TENM3: variants seen among roughly 807,000 people sequenced by gnomAD.
TENM3 encodes teneurin transmembrane protein 3.
In TENM3, 63 loss-of-function variants were observed where a neutral mutation model predicts 255.1. That is an observed-to-expected ratio of 0.25 (90% CI 0.20 to 0.30). The LOEUF (loss-of-function observed/expected upper bound fraction) is 0.30, where lower values mean the gene tolerates loss of function less well. Among genes scored for constraint, TENM3 ranks in the 10% least tolerant of loss-of-function variants. TENM3 has a pLI of 1.00. For synonymous variants in TENM3, 1,306 were observed against 1,322.3 expected, an observed-to-expected ratio of 0.99 and a Z score of 0.27; for missense variants, 2,929 against 3,461.1, an observed-to-expected ratio of 0.85 and a Z score of 3.86.
At chr4:182,466,455 A>G (rs1279152521) in intron 3 of TENM3, among the ~76,000 whole-genome samples, 1 of 152,134 alleles carries the variant, frequency 6.6e-6, no homozygotes, top group African/African-American at 2.4e-5. Flanking sequence ...TCAGCCTCCC[A>G]GGTAGCTGGG....
intron 19 of TENM3, among the ~76,000 whole-genome samples, chr4:182,744,699 G>A (rs1187070192): frequency 2.0e-5 from 3 of 152,142 alleles, no homozygotes; most frequent in Non-Finnish European, 2.9e-5. Context: ...TTAGCTTCCC[G>A]TAAATTCCTC....
intron 3 of TENM3, among the ~76,000 whole-genome samples, chr4:182,571,213 G>A (rs964006632): frequency 6.6e-6 from 1 of 152,116 alleles, no homozygotes; most frequent in Non-Finnish European, 1.5e-5. Flanking sequence ...CCCTGTTCAT[G>A]TTGTAAAACT....
intron 3 of TENM3, among the ~76,000 whole-genome samples, chr4:182,474,450 CTT>C (rs764477922): frequency 6.6e-6 from 1 of 152,076 alleles, no homozygotes; most frequent in Admixed American, 6.6e-5. Context: ...GAAACTGTCT[CTT>C]ATATTTTAGG....
chr4:182,346,068 T>TATACATACATACATAC (rs60234584), intron 2 of TENM3, among the ~76,000 whole-genome samples: 2 of 149,364 alleles, frequency 1.3e-5, no homozygotes, highest in South Asian at 2.2e-4. Context: ...CACACACATA[T>TATACATACATACATAC]ATACATACAT....
At chr4:182,302,854 C>T (rs1017506076) in intron 1 of TENM3, among the ~76,000 whole-genome samples, 5 of 152,132 alleles carry the variant, frequency 3.3e-5, no homozygotes, top group Non-Finnish European at 7.3e-5. Flanking sequence ...GGTATGAAGT[C>T]CTGAGATATC....
At chr4:181,565,598 T>A in the TENM3 span, among the ~76,000 whole-genome samples, 1 of 152,142 alleles carries the variant, frequency 6.6e-6, no homozygotes, top group Non-Finnish European at 1.5e-5. Flanking sequence ...AGGGTGAGTA[T>A]CAGGGTGGCT....
At chr4:182,739,452 C>T (rs1761433463) in intron 18 of TENM3, among the ~76,000 whole-genome samples, 1 of 152,136 alleles carries the variant, frequency 6.6e-6, no homozygotes, top group African/African-American at 2.4e-5. Flanking sequence ...CTGTCCTACA[C>T]CATATCATAC....
chr4:182,615,067 G>T (rs60239481), intron 4 of TENM3, among the ~76,000 whole-genome samples: 4,066 of 114,548 alleles, frequency 0.035, 89 homozygotes, highest in South Asian at 0.066. Flanking sequence ...ATATATATAT[G>T]TATTTTTTTT....
At chr4:181,719,164 C>T in the TENM3 span, among the ~76,000 whole-genome samples, 2 of 151,714 alleles carry the variant, frequency 1.3e-5, no homozygotes, top group African/African-American at 4.8e-5. Context: ...CGAGATCGCG[C>T]CACTGCAGTC....
chr4:182,754,371 CT>C lies in TENM3; in HGVS notation c.4018-7del. On this transcript the variant is annotated splice_polypyrimidine_tract_variant and intron_variant, in intron 21 of 27. Coordinates refer to ENST00000511685, the MANE Select transcript of TENM3 (RefSeq NM_001080477.4). The surrounding 1 kb of genome is among the most constrained non-coding windows in gnomAD (Gnocchi z 5.1). ...CAGTAACTTACTAACCAGGCCATTT[CT>C]TTTTTTATTAAGGTACGTCTGGAAT... 1.9e-6 allele frequency: 3 copies of C among 1,567,842 alleles called. No individual in the cohort carries two copies. Among genetic ancestry groups the C allele is most frequent in the Non-Finnish European group, 1.7e-6 (2 of 1,154,466 alleles).
chr4:181,927,554 C>G, the TENM3 span, among the ~76,000 whole-genome samples: 1 of 152,220 alleles, frequency 6.6e-6, no homozygotes, highest in Non-Finnish European at 1.5e-5. Flanking sequence ...CCCCATCTCC[C>G]TGGGACAGAG....
intron 19 of TENM3, among the ~76,000 whole-genome samples, chr4:182,745,686 G>A (rs557418630): frequency 5.3e-5 from 8 of 152,110 alleles, no homozygotes; most frequent in Admixed American, 1.3e-4. Context: ...TTCTTTCCAC[G>A]GCACCACACA....
At chr4:182,060,874 C>T in the TENM3 span, among the ~76,000 whole-genome samples, 3 of 152,130 alleles carry the variant, frequency 2.0e-5, no homozygotes, top group Admixed American at 1.3e-4. Context: ...AGCATATGTT[C>T]TCTAGGCAGG....
chr4:181,485,884 C>T, the TENM3 span, among the ~76,000 whole-genome samples: 1 of 151,920 alleles, frequency 6.6e-6, no homozygotes, highest in Non-Finnish European at 1.5e-5. Flanking sequence ...CTTACTAAAA[C>T]AAAAATGTTA....
At chr4:182,184,135 T>C (rs566285093) in intron 1 of TENM3, among the ~76,000 whole-genome samples, 10 of 152,302 alleles carry the variant, frequency 6.6e-5, no homozygotes, top group Admixed American at 3.9e-4. Flanking sequence ...GCAAGAGTAC[T>C]ATAGGTTAGA....
At chr4:182,024,107 G>T in the TENM3 span, among the ~76,000 whole-genome samples, 175 of 151,018 alleles carry the variant, frequency 1.2e-3, no homozygotes, top group Non-Finnish European at 1.8e-3. Context: ...ATATAGATTT[G>T]GGGGAAAAAA....
intron 1 of TENM3, among the ~76,000 whole-genome samples, chr4:182,289,413 G>A (rs1760964417): frequency 6.6e-6 from 1 of 152,360 alleles, no homozygotes; most frequent in East Asian, 1.9e-4. Context: ...GGTGAGCAGT[G>A]CAGGGCCCTG....
chr4:182,313,030 G>A (rs1467859402), intron 1 of TENM3, among the ~76,000 whole-genome samples: 1 of 152,048 alleles, frequency 6.6e-6, no homozygotes, highest in African/African-American at 2.4e-5. Context: ...TTCAAACCAT[G>A]CAAATGAATT....
chr4:181,494,865 G>T, the TENM3 span, among the ~76,000 whole-genome samples: 1 of 152,014 alleles, frequency 6.6e-6, no homozygotes, highest in African/African-American at 2.4e-5. Context: ...TCATCTTCAA[G>T]ATGTCGTGAA....
Sources: allele counts gnomAD v4.1 joint callset (sites outside exome capture counted in the v4.1 genomes callset), GRCh38; gene constraint gnomAD v4.1.1; non-coding constraint Gnocchi (gnomAD v3.1); transcripts MANE v1.5; gene names NCBI Gene and HGNC (gene_info 2026-07-23, HGNC 2026-07-21).